The following RAPGEF6 variants were observed in gnomAD, a reference collection of about 807,000 sequenced individuals.
RAPGEF6 encodes the protein Rap guanine nucleotide exchange factor 6.
A neutral mutation model predicts 171.4 loss-of-function variants in RAPGEF6; 56 were observed. The observed-to-expected ratio is 0.33, with a 90% CI of 0.26 to 0.41. RAPGEF6 has a LOEUF of 0.41. Ranked by LOEUF, RAPGEF6 falls within the 10% of genes least tolerant of loss-of-function variation. The pLI, the probability that RAPGEF6 is intolerant of heterozygous loss-of-function variation, is 1.00. For missense variants in RAPGEF6, 1,674 were observed against 1,921.4 expected (o/e 0.87, Z 2.41); for synonymous variants, 692 against 650.1 (o/e 1.06, Z -0.98).
chr5:131,439,230 T>C (rs1455247567), intron 24 of RAPGEF6, among the ~76,000 whole-genome samples: 2 of 152,178 alleles, frequency 1.3e-5, no homozygotes, highest in African/African-American at 4.8e-5. Context: ...AAAGAATCTC[T>C]TACAGAAACT....
At chr5:131,495,830 G>A (rs1354165193) in intron 12 of RAPGEF6, among the ~76,000 whole-genome samples, 170 bp from the exon 13 acceptor site, 1 of 152,156 alleles carries the variant, frequency 6.6e-6, no homozygotes, top group Non-Finnish European at 1.5e-5. Flanking sequence ...TTGAGCTTTT[G>A]CTTCCCTGTG....
chr5:131,435,293 G>C (rs1751945982), intron 24 of RAPGEF6, among the ~76,000 whole-genome samples: 1 of 152,034 alleles, frequency 6.6e-6, no homozygotes, highest in Admixed American at 6.6e-5. Context: ...TCTGAACTTG[G>C]GATCACTGCT....
intron 1 of RAPGEF6, among the ~76,000 whole-genome samples, chr5:131,617,501 G>A (rs757185971): frequency 2.1e-4 from 32 of 152,218 alleles, no homozygotes; most frequent in South Asian, 8.3e-4. Context: ...TGCCCAGGCT[G>A]GAGTGTAGTG....
At chr5:131,521,576 C>T (rs968807559) in intron 6 of RAPGEF6, 55 bp from the exon 7 acceptor site, 139 of 1,527,356 alleles carry the variant, frequency 9.1e-5, no homozygotes, top group Admixed American at 6.0e-4. Flanking sequence ...CCTTTTTAAG[C>T]GGTTTCGACA....
chr5:131,570,924 C>CG (rs1441025272), intron 4 of RAPGEF6, among the ~76,000 whole-genome samples: 1 of 150,196 alleles, frequency 6.7e-6, no homozygotes, highest in South Asian at 2.1e-4. Flanking sequence ...CAACTCCCCA[C>CG]GTCTTCATCC....
At chr5:131,558,481 A>G (rs964138530) in intron 5 of RAPGEF6, among the ~76,000 whole-genome samples, 1 of 151,778 alleles carries the variant, frequency 6.6e-6, no homozygotes, top group African/African-American at 2.4e-5. Context: ...TATGCCACTG[A>G]TATTTATTTT....
chr5:131,494,571 A>G (rs747601868), intron 13 of RAPGEF6, among the ~76,000 whole-genome samples: 8 of 152,230 alleles, frequency 5.3e-5, no homozygotes, highest in Non-Finnish European at 1.0e-4. Context: ...TTTGGCTATA[A>G]TCTAGGGTAC....
chr5:131,530,738 A>G (rs949614778), intron 6 of RAPGEF6, among the ~76,000 whole-genome samples: 1 of 152,196 alleles, frequency 6.6e-6, no homozygotes, highest in African/African-American at 2.4e-5. Context: ...TGACTCTTCC[A>G]TATTTGTTAA....
At chr5:131,623,877 C>A (rs1186285695) in intron 1 of RAPGEF6, among the ~76,000 whole-genome samples, 3 of 152,196 alleles carry the variant, frequency 2.0e-5, no homozygotes, top group African/African-American at 7.2e-5. Flanking sequence ...GATAAGGGTA[C>A]ACTCACTGTC....
chr5:131,521,355 C>A (rs765773349), intron 7 of RAPGEF6, 35 bp downstream of exon 7: 3 of 1,533,522 alleles, frequency 2.0e-6, no homozygotes, highest in South Asian at 1.3e-5. Flanking sequence ...AATAAAAAAA[C>A]CATATACGCA....
chr5:131,497,437 G>A (rs1035884684), intron 12 of RAPGEF6, among the ~76,000 whole-genome samples: 1 of 151,988 alleles, frequency 6.6e-6, no homozygotes, highest in African/African-American at 2.4e-5. Flanking sequence ...AGAAACCAAC[G>A]CCAAATCCAA....
At chr5:131,450,942 T>C (rs1033873037) in intron 21 of RAPGEF6, among the ~76,000 whole-genome samples, 1 of 152,226 alleles carries the variant, frequency 6.6e-6, no homozygotes, top group African/African-American at 2.4e-5. Flanking sequence ...GTACTTAGTA[T>C]ATTATAAACT....
At position 131,536,905 on chromosome 5, in the gene RAPGEF6, C is replaced by T. The variant is rs140414554; in HGVS notation, c.495+11142G>A. On this transcript the variant is annotated intron_variant, in intron 6 of 27. Coordinates refer to ENST00000509018, the MANE Select transcript of RAPGEF6 (RefSeq NM_016340.6). ...CTCATTTAAAACTATCTGTGAATTC[C>T]TGGGTTCCTTTATATCCCTTGTTCA... Among the ~76,000 whole-genome samples, 577 of 152,184 alleles carry T rather than the reference C, an allele frequency of 3.8e-3. 6 individuals carry two copies. Among genetic ancestry groups the T allele is most frequent in the African/African-American group, 0.014 (567 of 41,520 alleles).
intron 4 of RAPGEF6, among the ~76,000 whole-genome samples, chr5:131,565,378 A>T (rs1761869151): frequency 6.6e-6 from 1 of 152,184 alleles, no homozygotes; most frequent in Non-Finnish European, 1.5e-5. Context: ...TGAAGACCTG[A>T]TTAAAAAGAG....
intron 3 of RAPGEF6, among the ~76,000 whole-genome samples, chr5:131,599,049 G>A (rs1431587355): frequency 6.6e-6 from 1 of 152,204 alleles, no homozygotes; most frequent in Non-Finnish European, 1.5e-5. Context: ...GGGGGCTCAC[G>A]CCTGTAATTT....
At chr5:131,574,816 T>A (rs1364439362) in intron 4 of RAPGEF6, among the ~76,000 whole-genome samples, 1 of 151,730 alleles carries the variant, frequency 6.6e-6, no homozygotes, top group Non-Finnish European at 1.5e-5. Context: ...CCCCTTACCA[T>A]CCCATTAAAA....
chr5:131,460,822 C>CTATAAAGATT (rs1753871770), intron 19 of RAPGEF6, among the ~76,000 whole-genome samples: 1 of 152,088 alleles, frequency 6.6e-6, no homozygotes, highest in Non-Finnish European at 1.5e-5. Context: ...TAAAGAGTCC[C>CTATAAAGATT]TATAAAGATT....
intron 11 of RAPGEF6, among the ~76,000 whole-genome samples, chr5:131,500,645 T>C (rs1281849470): frequency 5.3e-5 from 8 of 152,198 alleles, no homozygotes; most frequent in Non-Finnish European, 2.9e-5. Flanking sequence ...CATATGTCTC[T>C]GTCTGGCCAC....
At position 131,426,115 on chromosome 5, in the gene RAPGEF6, CAA is replaced by C. The variant is rs1002679000; in HGVS notation, c.*1149_*1150del. 6.6e-6 allele frequency: 1 copy of C among 152,054 alleles called. No individual in the cohort carries two copies. The allele number at this position is 152,054 out of a possible 1,614,324, so 9.4% of individuals were successfully genotyped here. A position where few individuals can be genotyped will look rare whatever the true frequency, so the allele number is the denominator to read the frequency against. On this transcript the variant is annotated 3_prime_UTR_variant, in exon 28 of 28. Coordinates refer to ENST00000509018, the MANE Select transcript of RAPGEF6 (RefSeq NM_016340.6). ...CTCTCAAGGGCTAAAAACTGAGAACCAAGAGACAATCATTTCTGTAACTCCAG... is the reference window on the plus strand; with the variant it reads ...CTCTCAAGGGCTAAAAACTGAGAACCGAGACAATCATTTCTGTAACTCCAG...
Sources: gnomAD v4.1 joint callset for allele counts (sites outside exome capture counted in the v4.1 genomes callset) on GRCh38, gnomAD v4.1.1 for gene constraint, MANE v1.5 for transcripts, NCBI Gene and HGNC (gene_info 2026-07-23, HGNC 2026-07-21) for gene names.